The following SCML4 variants were observed in gnomAD, a reference collection of about 807,000 sequenced individuals.
SCML4 encodes sex comb on midleg-like protein 4.
A neutral mutation model predicts 41.1 loss-of-function variants in SCML4; 34 were observed. That is an observed-to-expected ratio of 0.83 (90% CI 0.63 to 1.10). The LOEUF is 1.10. Among genes scored for constraint, SCML4 ranks in the 50% least tolerant of loss-of-function variants. The pLI, the probability that SCML4 is intolerant of heterozygous loss-of-function variation, is 0.00. For synonymous variants in SCML4, 214 were observed against 220.9 expected (o/e 0.97, Z 0.28); for missense variants, 522 against 534.1 (o/e 0.98, Z 0.22).
chr6:107,725,155 A>G (rs190086123), intron 5 of SCML4, among the ~76,000 whole-genome samples: 6 of 152,340 alleles, frequency 3.9e-5, no homozygotes, highest in Non-Finnish European at 7.3e-5. Flanking sequence ...AGTTTACAAC[A>G]ATCTATTAAA....
chr6:107,841,156 TAAAA>T, the SCML4 span, among the ~76,000 whole-genome samples: 222 of 148,754 alleles, frequency 1.5e-3, no homozygotes, highest in Admixed American at 3.3e-3. Flanking sequence ...TATAAACTGC[TAAAA>T]AAAAAAAAAA....
intron 1 of SCML4, among the ~76,000 whole-genome samples, chr6:107,782,490 C>G (rs1020651182): frequency 2.0e-5 from 3 of 152,264 alleles, no homozygotes; most frequent in African/African-American, 7.2e-5. Context: ...ACAGGCCTTA[C>G]CCGGCACTGT....
intron 2 of SCML4, among the ~76,000 whole-genome samples, chr6:107,760,140 G>A (rs567930785): frequency 2.6e-5 from 4 of 152,188 alleles, no homozygotes; most frequent in African/African-American, 7.2e-5. Flanking sequence ...CACCATATTT[G>A]GAATGTTAAT....
chr6:107,771,877 A>G (rs1055463481), intron 2 of SCML4, among the ~76,000 whole-genome samples: 6 of 152,222 alleles, frequency 3.9e-5, no homozygotes, highest in Non-Finnish European at 7.3e-5. Context: ...ACTAATTTAG[A>G]TGCAAGGTTT....
intron 5 of SCML4, chr6:107,740,122 G>T (rs1216516490): frequency 2.1e-6 from 1 of 470,990 alleles, no homozygotes; most frequent in Admixed American, 2.3e-5. Context: ...TTCAGATGGG[G>T]ACATCAGCTT....
rs1308454260 is a variant in SCML4, at chr6:107,710,210, T to C, written c.974-2199A>G. 4.4e-4 allele frequency among the ~76,000 whole-genome samples: 5 copies of C among 11,396 alleles called. 2 individuals carry two copies. Among genetic ancestry groups the C allele is most frequent in the African/African-American group, 1.9e-3 (5 of 2,674 alleles). 7.5% of individuals were successfully genotyped at this position (11,396 alleles called of 152,430 possible). Reference sequence around the variant, plus strand: ...ATCACCAAGAGCTATAAAGAGGTTTTGGATAACAAAAGCTTCCTGACTTGG... The same window carrying C: ...ATCACCAAGAGCTATAAAGAGGTTTCGGATAACAAAAGCTTCCTGACTTGG... On this transcript the variant is annotated intron_variant, in intron 6 of 7. Coordinates refer to ENST00000369020, the MANE Select transcript of SCML4 (RefSeq NM_198081.5).
intron 6 of SCML4, among the ~76,000 whole-genome samples, chr6:107,708,666 G>A (rs1773925798): frequency 6.6e-6 from 1 of 152,164 alleles, no homozygotes; most frequent in Non-Finnish European, 1.5e-5. Context: ...CTCTGGGGCT[G>A]TCAGAGCATT....
Position 107,705,217 on chromosome 6 carries a change from TCA to T in SCML4, c.1226_1227del (p.Leu409GlnfsTer52). On this transcript the variant is annotated frameshift_variant, in exon 8 of 8. Coordinates refer to ENST00000369020, the MANE Select transcript of SCML4 (RefSeq NM_198081.5). LOFTEE classifies it high-confidence loss of function. Reference sequence around the variant, plus strand: ...TAAAAAAGTCAGAACTTGGCTTGCTTCAGTTTGTCAATGTGGTAGCAGAGTTT... The same window carrying T: ...TAAAAAAGTCAGAACTTGGCTTGCTTGTTTGTCAATGTGGTAGCAGAGTTT... ...ALKLCYHIDK[L>X]KQAKF The T allele has an allele frequency of 1.3e-6, 2 of 1,551,700 alleles. No homozygotes were observed. The highest frequency in any genetic ancestry group is 1.7e-6 in the Non-Finnish European group (2 of 1,146,954).
chr6:107,797,898 T>C (rs1164259110), intron 1 of SCML4, among the ~76,000 whole-genome samples: 1 of 152,026 alleles, frequency 6.6e-6, no homozygotes, highest in Non-Finnish European at 1.5e-5. Flanking sequence ...ATTTCTATCA[T>C]TTATTCTGTT....
At position 107,726,532 on chromosome 6, in the gene SCML4, C is replaced by CAAAAAAAAAAAAAAA. The variant is rs59013088; in HGVS notation, c.683-5554_683-5540dup. ...CGGGCAACAGACCGAGACTCCATCT[C>CAAAAAAAAAAAAAAA]AAAAAAAAAAAAAAAAAAAAAAAGA... On this transcript the variant is annotated intron_variant, in intron 5 of 7. Transcript: ENST00000369020. Among the ~76,000 whole-genome samples the CAAAAAAAAAAAAAAA allele has an allele frequency of 1.5e-4, 11 of 72,376 alleles. 1 individual carries two copies. The highest frequency in any genetic ancestry group is 4.0e-4 in the Admixed American group (2 of 5,058). 47.5% of individuals were successfully genotyped at this position (72,376 alleles called of 152,430 possible).
chr6:107,801,425 C>T (rs1562271526), intron 1 of SCML4, among the ~76,000 whole-genome samples: 1 of 152,202 alleles, frequency 6.6e-6, no homozygotes, highest in Non-Finnish European at 1.5e-5. Context: ...CCCACCTATG[C>T]CTGCCTACCT....
intron 6 of SCML4, among the ~76,000 whole-genome samples, chr6:107,713,380 G>T (rs1398788915): frequency 6.6e-6 from 1 of 152,120 alleles, no homozygotes; most frequent in African/African-American, 2.4e-5. Context: ...CTAAGCCCCT[G>T]CCAGCCCCTT....
intron 1 of SCML4, among the ~76,000 whole-genome samples, chr6:107,796,716 C>T (rs978362847): frequency 2.0e-5 from 3 of 152,146 alleles, no homozygotes; most frequent in South Asian, 2.1e-4. Flanking sequence ...ATGTTTCCCA[C>T]CCCAAGATCA....
chr6:107,780,594 C>G (rs113046373), intron 1 of SCML4, among the ~76,000 whole-genome samples: 36 of 152,018 alleles, frequency 2.4e-4, no homozygotes, highest in African/African-American at 8.2e-4. Context: ...GTGGTCCCAG[C>G]GACTTGGGAG....
chr6:107,756,037 AG>A (rs1166719326), intron 2 of SCML4, among the ~76,000 whole-genome samples: 1 of 152,192 alleles, frequency 6.6e-6, no homozygotes, highest in Non-Finnish European at 1.5e-5. Context: ...TGACATAAAT[AG>A]GTGGTTGACT....
rs537962084 is a variant in SCML4, at chr6:107,702,213, C to T, written c.*2987G>A. Reference sequence around the variant, plus strand: ...TAATGAGATTTTTAAAAAGTCAAACCTTAAATATCATGGCTTCAGCAATCT... The same window carrying T: ...TAATGAGATTTTTAAAAAGTCAAACTTTAAATATCATGGCTTCAGCAATCT... On this transcript the variant is annotated 3_prime_UTR_variant, in exon 8 of 8. Coordinates refer to ENST00000369020, the MANE Select transcript of SCML4 (RefSeq NM_198081.5). Among the ~76,000 whole-genome samples the T allele has an allele frequency of 5.3e-5, 8 of 152,276 alleles. No homozygotes were observed. Among genetic ancestry groups the T allele is most frequent in the African/African-American group, 1.7e-4 (7 of 41,542 alleles).
chr6:107,816,359 G>A (rs1784551173), intron 1 of SCML4, among the ~76,000 whole-genome samples: 1 of 152,148 alleles, frequency 6.6e-6, no homozygotes, highest in Non-Finnish European at 1.5e-5. Context: ...TGTTTCCTTT[G>A]AACCATTCAG....
In SCML4 at chr6:107,702,684, C is replaced by G. The variant is rs1297615932; in HGVS notation, c.*2516G>C. Among the ~76,000 whole-genome samples, 2 of 152,146 alleles carry G rather than the reference C, an allele frequency of 1.3e-5. No individual in the cohort carries two copies. The highest frequency in any genetic ancestry group is 1.5e-5 in the Non-Finnish European group (1 of 68,042). ...ACTCTAAACCAGCAGTGAGCACTTACGATTAATAAATTCTTAAGAGACAGG... is the reference window on the plus strand; with the variant it reads ...ACTCTAAACCAGCAGTGAGCACTTAGGATTAATAAATTCTTAAGAGACAGG... On this transcript the variant is annotated 3_prime_UTR_variant, in exon 8 of 8. Coordinates refer to ENST00000369020, the MANE Select transcript of SCML4 (RefSeq NM_198081.5).
intron 2 of SCML4, among the ~76,000 whole-genome samples, chr6:107,763,204 T>C (rs1779753127): frequency 6.6e-6 from 1 of 152,036 alleles, no homozygotes; most frequent in Non-Finnish European, 1.5e-5. Context: ...TTTTTAATTA[T>C]GTTCTCCTTC....
Sources: gnomAD v4.1 joint callset for allele counts (sites outside exome capture counted in the v4.1 genomes callset) on GRCh38, gnomAD v4.1.1 for gene constraint, MANE v1.5 for transcripts, NCBI Gene and HGNC (gene_info 2026-07-23, HGNC 2026-07-21) for gene names.